The following MAP3K7 variants were observed in gnomAD, a reference collection of about 807,000 sequenced individuals.
MAP3K7 encodes the protein mitogen-activated protein kinase kinase kinase 7.
In MAP3K7, 21 loss-of-function variants were observed where a neutral mutation model predicts 84.8. The observed-to-expected ratio is 0.25, with a 90% CI of 0.18 to 0.36. The LOEUF is 0.36. Ranked by LOEUF, MAP3K7 falls within the 10% of genes least tolerant of loss-of-function variation. The pLI is 1.00. For missense variants in MAP3K7, 503 were observed against 747.7 expected (o/e 0.67, Z 3.82); for synonymous variants, 241 against 247.7 (o/e 0.97, Z 0.25).
chr6:90,550,476 G>C lies in MAP3K7; in HGVS notation c.941C>G (p.Thr314Ser). 1 of 1,606,568 alleles carries C rather than the reference G, an allele frequency of 6.2e-7. No homozygotes were observed. The highest frequency in any genetic ancestry group is 1.1e-5 in the South Asian group (1 of 90,756). ...CCAATCTATCCATTTACCTGTACTGGTGGCAGAGTTGCTCTGTCCTTCATC... is the reference window on the plus strand; with the variant it reads ...CCAATCTATCCATTTACCTGTACTGCTGGCAGAGTTGCTCTGTCCTTCATC... The part of the protein sequence containing the change: ...YSDEGQSNSA[T>S]STGSFMDIAS... The change falls in exon 9 of 17, where the codon ACC becomes AGC. Residue 314 changes from threonine to serine, a missense_variant. Thr to Ser is a moderately conservative substitution (Grantham distance 58, BLOSUM62 1). This residue lies in a region of MAP3K7 where 286 missense variants were observed against 313.6 expected (regional missense o/e 0.91). Transcript: ENST00000369329.
chr6:90,565,520 T>C (rs552425793), intron 3 of MAP3K7, among the ~76,000 whole-genome samples: 1 of 152,242 alleles, frequency 6.6e-6, no homozygotes, highest in East Asian at 1.9e-4. Context: ...CAGGAAGAAG[T>C]TGAATCCCTG....
chr6:90,565,728 T>C (rs1776680026), intron 3 of MAP3K7, among the ~76,000 whole-genome samples: 1 of 152,054 alleles, frequency 6.6e-6, no homozygotes. Flanking sequence ...CCAGCATCAT[T>C]CTGATACCAA....
rs765667865 is a variant in MAP3K7, at chr6:90,550,473, C to T, written c.944G>A (p.Ser315Asn). Reference protein sequence around the residue: ...SDEGQSNSATSTGSFMDIAST... With the variant: ...SDEGQSNSATNTGSFMDIAST... ...CTTCCAATCTATCCATTTACCTGTA[C>T]TGGTGGCAGAGTTGCTCTGTCCTTC... Residue 315 changes from serine to asparagine, a missense_variant, in exon 9 of 17, where the codon AGT becomes AAT. Physicochemically the swap from Ser to Asn is conservative, Grantham distance 46. Coordinates refer to ENST00000369329, the MANE Select transcript of MAP3K7 (RefSeq NM_145331.3). 3 of 1,604,430 alleles carry T rather than the reference C, an allele frequency of 1.9e-6. No individual in the cohort carries two copies. Among genetic ancestry groups the T allele is most frequent in the Non-Finnish European group, 2.6e-6 (3 of 1,172,310 alleles).
intron 7 of MAP3K7, 136 bp from the exon 8 acceptor site, chr6:90,552,315 AGTGCT>A: frequency 1.3e-6 from 1 of 782,238 alleles, no homozygotes; most frequent in Non-Finnish European, 2.0e-6. Context: ...GAGTAATAAA[AGTGCT>A]TTGTAATTTT....
At chr6:90,576,425 A>T (rs879612102) in intron 1 of MAP3K7, among the ~76,000 whole-genome samples, 14,243 of 58,076 alleles carry the variant, frequency 0.25, 953 homozygotes, top group South Asian at 0.33. Context: ...TCTGTCACAC[A>T]CACACACACA....
chr6:90,543,120 T>C (rs1469453163), intron 12 of MAP3K7, among the ~76,000 whole-genome samples: 1 of 152,072 alleles, frequency 6.6e-6, no homozygotes, highest in Non-Finnish European at 1.5e-5. Flanking sequence ...TCCACCTCTT[T>C]AAAGTACGTC....
At chr6:90,575,109 T>G (rs974008653) in intron 1 of MAP3K7, among the ~76,000 whole-genome samples, 2 of 152,162 alleles carry the variant, frequency 1.3e-5, no homozygotes, top group Non-Finnish European at 2.9e-5. Context: ...AGAATTAAGT[T>G]TGTGTGTATC....
At chr6:90,544,199 C>T (rs938822876) in intron 12 of MAP3K7, among the ~76,000 whole-genome samples, 4 of 152,016 alleles carry the variant, frequency 2.6e-5, no homozygotes, top group Admixed American at 6.6e-5. Flanking sequence ...AGGAAAATAA[C>T]AAATTTTAAT....
At chr6:90,535,736 A>AAGAGACAAGGAGAGTTT (rs1364520946) in intron 13 of MAP3K7, among the ~76,000 whole-genome samples, 1 of 152,156 alleles carries the variant, frequency 6.6e-6, no homozygotes, top group African/African-American at 2.4e-5. Context: ...AGCAGTGATA[A>AAGAGACAAGGAGAGTTT]AGAGACAAGG....
chr6:90,549,617 G>A (rs767596021), intron 9 of MAP3K7, among the ~76,000 whole-genome samples: 1 of 152,190 alleles, frequency 6.6e-6, no homozygotes, highest in Non-Finnish European at 1.5e-5. Flanking sequence ...CTGAGGACCA[G>A]TGAAAAGGTG....
intron 1 of MAP3K7, among the ~76,000 whole-genome samples, chr6:90,581,626 A>AAT (rs1777273841): frequency 6.6e-6 from 1 of 152,226 alleles, no homozygotes; most frequent in Non-Finnish European, 1.5e-5. Context: ...TATTTCAAAT[A>AAT]ATATGCTCAT....
At chr6:90,586,094 C>A (rs1349908314) in intron 1 of MAP3K7, among the ~76,000 whole-genome samples, 1 of 152,078 alleles carries the variant, frequency 6.6e-6, no homozygotes, top group African/African-American at 2.4e-5. Context: ...TACGTCCGGC[C>A]GGGCCCGGTG....
intron 3 of MAP3K7, among the ~76,000 whole-genome samples, chr6:90,566,953 G>C (rs1776727468): frequency 6.6e-6 from 1 of 152,142 alleles, no homozygotes; most frequent in Non-Finnish European, 1.5e-5. Context: ...ACAAAAACAA[G>C]AAATGGGGAA....
intron 6 of MAP3K7, among the ~76,000 whole-genome samples, chr6:90,556,077 C>T (rs770091118): frequency 2.0e-5 from 3 of 152,146 alleles, no homozygotes; most frequent in South Asian, 2.1e-4. Flanking sequence ...TGAAACAAGA[C>T]GGAAAAACGT....
intron 6 of MAP3K7, among the ~76,000 whole-genome samples, chr6:90,555,918 G>C (rs575099465): frequency 6.6e-6 from 1 of 152,234 alleles, no homozygotes; most frequent in South Asian, 2.1e-4. Flanking sequence ...TATGTATATT[G>C]TCTGTTAAGA....
rs185396900 is a variant in MAP3K7, at chr6:90,561,758, T to C, written c.298-91A>G. On this transcript the variant is annotated intron_variant, in intron 3 of 16. Transcript: ENST00000369329. ...AATTTAATTCACTCCCCTGATTTTATAGATATATTAAAAATCATTCTTTTG... is the reference window on the plus strand; with the variant it reads ...AATTTAATTCACTCCCCTGATTTTACAGATATATTAAAAATCATTCTTTTG... 4.4e-4 allele frequency: 386 copies of C among 884,148 alleles called. 3 individuals carry two copies. In the African/African-American group the frequency reaches 5.7e-3, roughly 13 times the overall value. 54.8% of individuals were successfully genotyped at this position (884,148 alleles called of 1,614,324 possible).
chr6:90,576,224 C>T (rs1468756573), intron 1 of MAP3K7, among the ~76,000 whole-genome samples: 1 of 151,820 alleles, frequency 6.6e-6, no homozygotes, highest in Non-Finnish European at 1.5e-5. Context: ...GAGATTGAGA[C>T]CATCCTGGCT....
intron 16 of MAP3K7, among the ~76,000 whole-genome samples, chr6:90,517,407 C>T (rs963087590): frequency 1.3e-5 from 2 of 149,912 alleles, no homozygotes; most frequent in Non-Finnish European, 3.0e-5. Flanking sequence ...AAATAACTAA[C>T]TAATACTACT....
chr6:90,573,567 T>C (rs1026561645), intron 1 of MAP3K7, among the ~76,000 whole-genome samples: 1 of 152,232 alleles, frequency 6.6e-6, no homozygotes, highest in African/African-American at 2.4e-5. Context: ...TTAACATTTA[T>C]TGAATGTTTA....
Sources: gnomAD v4.1 joint callset for allele counts (sites outside exome capture counted in the v4.1 genomes callset) on GRCh38, gnomAD v4.1.1 for gene constraint, gnomAD v4.1.1 regional missense constraint, MANE v1.5 for transcripts, NCBI Gene and HGNC (gene_info 2026-07-23, HGNC 2026-07-21) for gene names.